TSPEAR: variants seen among roughly 807,000 people sequenced by gnomAD.
The protein encoded by TSPEAR is thrombospondin-type laminin G domain and EAR repeat-containing protein.
In TSPEAR, 69 loss-of-function variants were observed where a neutral mutation model predicts 71.6. The ratio of observed to expected loss-of-function variants is 0.96; its 90% CI spans 0.79 to 1.18. The LOEUF (loss-of-function observed/expected upper bound fraction) is 1.18. Ranked by LOEUF, TSPEAR falls within the 50% of genes most tolerant of loss-of-function variation. The probability of loss-of-function intolerance (pLI) is 0.00; values close to 1 mark genes in which losing one functional copy is unlikely to be tolerated. For synonymous variants in TSPEAR, 402 were observed against 387.2 expected (o/e 1.04, Z -0.45); for missense variants, 971 against 894.9 (o/e 1.09, Z -1.09).
rs781978167 is a variant in TSPEAR, at chr21:44,567,809, CA to C, written c.278del (p.Leu93Ter). 2 of 1,586,918 alleles carry C rather than the reference CA, an allele frequency of 1.3e-6. No homozygotes were observed. The highest frequency in any genetic ancestry group is 2.3e-5 in the South Asian group (2 of 87,974). The part of the protein sequence containing the change: ...FPEEFSIVVT[L>X]RVPNLPPKRN... ...CCTTGGGTGGAAGATTGGGAACTCT[CA>C]AAGTTACGACGATGGAAAATTCTTC... On this transcript the variant is annotated frameshift_variant, in exon 2 of 12. Coordinates refer to ENST00000323084, the MANE Select transcript of TSPEAR (RefSeq NM_144991.3). LOFTEE classifies it high-confidence loss of function.
At chr21:44,530,806 C>T (rs1238445225) in intron 4 of TSPEAR, among the ~76,000 whole-genome samples, 1 of 152,210 alleles carries the variant, frequency 6.6e-6, no homozygotes, top group Non-Finnish European at 1.5e-5. Flanking sequence ...ATCAGCTCAG[C>T]ATGGTGGGGG....
intron 9 of TSPEAR, chr21:44,518,108 G>A (rs1569159450): frequency 2.8e-6 from 1 of 355,520 alleles, no homozygotes; most frequent in African/African-American, 2.1e-5. Flanking sequence ...TAATGTCCAA[G>A]CTCTCTGTCT....
chr21:44,607,973 G>C (rs1981418938), intron 1 of TSPEAR, among the ~76,000 whole-genome samples: 1 of 152,104 alleles, frequency 6.6e-6, no homozygotes, highest in African/African-American at 2.4e-5. Context: ...TTGTACTATA[G>C]AATTTGATTT....
At chr21:44,654,637 G>A (rs1985026010) in intron 1 of TSPEAR, 5 of 1,487,998 alleles carry the variant, frequency 3.4e-6, no homozygotes, top group African/African-American at 1.4e-5. Context: ...ACAGGTGGGG[G>A]GCGCAGAGGA....
chr21:44,603,044 C>G (rs1200319042), intron 1 of TSPEAR, among the ~76,000 whole-genome samples: 11 of 100,682 alleles, frequency 1.1e-4, no homozygotes, highest in African/African-American at 3.3e-4. Context: ...CCTTTGACTC[C>G]TGCTCCAGAG....
intron 1 of TSPEAR, chr21:44,573,763 C>T (rs1555923036): frequency 9.3e-6 from 15 of 1,613,584 alleles, no homozygotes; most frequent in Non-Finnish European, 1.2e-5. Context: ...TCCACCATGT[C>T]CGTCTGCTCC....
In TSPEAR at chr21:44,647,763, C is replaced by G; in HGVS notation, c.82+63670G>C. On this transcript the variant is annotated intron_variant, in intron 1 of 11. Coordinates refer to ENST00000323084, the MANE Select transcript of TSPEAR (RefSeq NM_144991.3). ...GCAGACAGGACAGTGTCTCTCATTC[C>G]GAGATCAAACACTTGGAAGACAGCA... The G allele has an allele frequency of 1.3e-5, 3 of 239,144 alleles. No homozygotes were observed. The South Asian group carries it at 2.3e-4, about 18-fold the overall frequency. The allele number at this position is 239,144 out of a possible 1,614,324, so 14.8% of individuals were successfully genotyped here. A position where few individuals can be genotyped will look rare whatever the true frequency, so the allele number is the denominator to read the frequency against.
At chr21:44,594,697 C>T (rs1377266348) in intron 1 of TSPEAR, among the ~76,000 whole-genome samples, 1 of 152,212 alleles carries the variant, frequency 6.6e-6, no homozygotes, top group East Asian at 1.9e-4. Context: ...TGCCCCAGCC[C>T]CTCCTCCTGG....
At chr21:44,708,323 G>A (rs2838659) in intron 1 of TSPEAR, among the ~76,000 whole-genome samples, 42,432 of 151,838 alleles carry the variant, frequency 0.28, 6,197 homozygotes, top group South Asian at 0.42. Context: ...TCATGCACAC[G>A]CAGCCAAGAG....
intron 1 of TSPEAR, among the ~76,000 whole-genome samples, chr21:44,618,203 G>T (rs1390788011): frequency 1.3e-5 from 2 of 152,192 alleles, no homozygotes; most frequent in African/African-American, 4.8e-5. Context: ...TGTAGTGATA[G>T]TGAGTTCTCA....
At chr21:44,568,572 G>A (rs782548022) in intron 1 of TSPEAR, among the ~76,000 whole-genome samples, 7 of 152,346 alleles carry the variant, frequency 4.6e-5, no homozygotes, top group African/African-American at 7.2e-5. Flanking sequence ...TTCAAAGTTG[G>A]TGGGAACATA....
chr21:44,525,286 G>A (rs144891382), intron 8 of TSPEAR, among the ~76,000 whole-genome samples: 2 of 152,238 alleles, frequency 1.3e-5, no homozygotes, highest in East Asian at 3.9e-4. Context: ...AGGTAATTTA[G>A]TCAATCAGTC....
chr21:44,677,265 G>A lies in TSPEAR; in HGVS notation c.82+34168C>T, dbSNP rs1215168912. ...AAGGGCATTGGCAGCTTCATCTACTGCCTTTCTGTGTTCCTTCAACGCACC... is the reference window on the plus strand; with the variant it reads ...AAGGGCATTGGCAGCTTCATCTACTACCTTTCTGTGTTCCTTCAACGCACC... On this transcript the variant is annotated intron_variant, in intron 1 of 11. Coordinates refer to ENST00000323084, the MANE Select transcript of TSPEAR (RefSeq NM_144991.3). 5 of 734,712 alleles carry A rather than the reference G, an allele frequency of 6.8e-6. No individual in the cohort carries two copies. The East Asian group carries it at 1.2e-4, about 18-fold the overall frequency. 45.5% of individuals were successfully genotyped at this position (734,712 alleles called of 1,614,324 possible).
At chr21:44,508,490 CTCTGGGA>C (rs2052260890) in intron 10 of TSPEAR, 3 of 1,027,038 alleles carry the variant, frequency 2.9e-6, no homozygotes, top group Non-Finnish European at 2.3e-6. Flanking sequence ...TGGCCCCTGG[CTCTGGGA>C]TCTGGGTAAT....
Position 44,573,001 on chromosome 21 carries a change from C to T in TSPEAR, c.83-4996G>A, listed in dbSNP as rs114913411. ...GGGAGCGGGGTGAGACAGTGCCCCT[C>T]GCAGCCTCAGAAGGAACCCATGCTG... is the stretch of plus-strand genomic sequence containing the variant. On this transcript the variant is annotated intron_variant, in intron 1 of 11. Coordinates refer to ENST00000323084, the MANE Select transcript of TSPEAR (RefSeq NM_144991.3). Among the ~76,000 whole-genome samples the T allele has an allele frequency of 6.7e-3, 1,014 of 152,104 alleles. 18 individuals carry two copies. The highest frequency in any genetic ancestry group is 0.022 in the African/African-American group (922 of 41,470).
In TSPEAR at chr21:44,575,372, C is replaced by CA. The variant is rs1335567917; in HGVS notation, c.83-7368dup. On this transcript the variant is annotated intron_variant, in intron 1 of 11. Coordinates refer to ENST00000323084, the MANE Select transcript of TSPEAR (RefSeq NM_144991.3). ...GGCCCTGAGACTGCAATGGCGCTGACACCCAGGTGTGTTGATTAATGCCTT... is the reference window on the plus strand; with the variant it reads ...GGCCCTGAGACTGCAATGGCGCTGACAACCCAGGTGTGTTGATTAATGCCTT... 7 of 282,422 alleles carry CA rather than the reference C, an allele frequency of 2.5e-5. No homozygotes were observed. The Admixed American group carries it at 2.9e-4, about 12-fold the overall frequency. The allele number at this position is 282,422 out of a possible 1,614,324, so 17.5% of individuals were successfully genotyped here.
intron 1 of TSPEAR, among the ~76,000 whole-genome samples, chr21:44,656,278 T>TCC (rs1230299463): frequency 1.4e-4 from 21 of 152,348 alleles, no homozygotes; most frequent in African/African-American, 4.8e-4. Flanking sequence ...TTCCTCCTAC[T>TCC]CCTTCCTGCA....
At chr21:44,597,679 G>A (rs1225339587) in intron 1 of TSPEAR, among the ~76,000 whole-genome samples, 1 of 152,048 alleles carries the variant, frequency 6.6e-6, no homozygotes, top group Admixed American at 6.6e-5. Flanking sequence ...TGATCTGCCT[G>A]CCCCAGCCTC....
chr21:44,614,277 C>T (rs1037391941), intron 1 of TSPEAR, among the ~76,000 whole-genome samples: 3 of 152,266 alleles, frequency 2.0e-5, no homozygotes, highest in Admixed American at 6.5e-5. Flanking sequence ...TCCCCACTGA[C>T]GTCAGGCAGC....
Sources: allele counts gnomAD v4.1 joint callset (sites outside exome capture counted in the v4.1 genomes callset), GRCh38; gene constraint gnomAD v4.1.1; transcripts MANE v1.5; gene names NCBI Gene and HGNC (gene_info 2026-07-23, HGNC 2026-07-21).